The following BCAS1 variants were observed in gnomAD, a reference collection of about 807,000 sequenced individuals.
BCAS1 encodes the protein brain enriched myelin associated protein 1, also known as breast carcinoma-amplified sequence 1.
In BCAS1, 46 loss-of-function variants were observed where a neutral mutation model predicts 65.4. The observed-to-expected ratio is 0.70, with a 90% CI of 0.55 to 0.90. The LOEUF is 0.90. Ranked by LOEUF, BCAS1 falls within the 40% of genes least tolerant of loss-of-function variation. The pLI is 0.00. For missense variants in BCAS1, 793 were observed against 771.2 expected (o/e 1.03, Z -0.33); for synonymous variants, 298 against 293.5 (o/e 1.02, Z -0.16).
rs568352051 is a variant in BCAS1 at position 53,995,478 on chromosome 20, C to G, written c.882+414G>C. On this transcript the variant is annotated intron_variant, in intron 5 of 12. Coordinates refer to ENST00000688948, the MANE Select transcript of BCAS1 (RefSeq NM_001366298.2). ...GGGACAGTCTGCTTCACTATGCATT[C>G]ATTCATTCAGGTTTTTTTTTTTTTG... 2.1e-5 allele frequency among the ~76,000 whole-genome samples: 3 copies of G among 139,738 alleles called. No individual in the cohort carries two copies. In the South Asian group the frequency reaches 7.7e-4, roughly 36 times the overall value. 91.7% of individuals were successfully genotyped at this position (139,738 alleles called of 152,430 possible).
intron 6 of BCAS1, among the ~76,000 whole-genome samples, chr20:53,993,166 G>T (rs886580754): frequency 2.0e-5 from 3 of 152,126 alleles, no homozygotes; most frequent in Non-Finnish European, 4.4e-5. Flanking sequence ...TTCACTTCTA[G>T]ATGGGTAGAC....
intron 4 of BCAS1, among the ~76,000 whole-genome samples, chr20:54,021,733 G>A (rs1444885016): frequency 6.6e-6 from 1 of 152,002 alleles, no homozygotes; most frequent in African/African-American, 2.4e-5. Flanking sequence ...CCTGTCGGGG[G>A]TTGGGGGAGG....
At chr20:53,949,641 C>T (rs144224876) in intron 12 of BCAS1, among the ~76,000 whole-genome samples, 5,621 of 152,284 alleles carry the variant, frequency 0.037, 147 homozygotes, top group Middle Eastern at 0.085. Context: ...AGCCCCCCTC[C>T]GTCCTCCATC....
chr20:54,063,154 A>C (rs538019488), intron 1 of BCAS1, among the ~76,000 whole-genome samples: 1 of 152,216 alleles, frequency 6.6e-6, no homozygotes, highest in African/African-American at 2.4e-5. Context: ...GCCGTATGCC[A>C]GCCCAGTGCT....
chr20:53,998,608 G>A (rs1408759770), intron 4 of BCAS1, among the ~76,000 whole-genome samples: 1 of 152,210 alleles, frequency 6.6e-6, no homozygotes, highest in African/African-American at 2.4e-5. Context: ...CCACCCCTGT[G>A]ATCTTTCACC....
intron 4 of BCAS1, among the ~76,000 whole-genome samples, chr20:54,007,962 A>T (rs2091237683): frequency 6.6e-6 from 1 of 152,216 alleles, no homozygotes; most frequent in Non-Finnish European, 1.5e-5. Flanking sequence ...CAAGTACCCC[A>T]GACTTGGAGT....
chr20:54,056,238 TACAC>T (rs147707061), intron 3 of BCAS1, among the ~76,000 whole-genome samples: 1 of 149,460 alleles, frequency 6.7e-6, no homozygotes, highest in Non-Finnish European at 1.5e-5. Context: ...TATATACACA[TACAC>T]ACACACACAC....
In BCAS1 at chr20:53,957,420, G is replaced by A. The variant is rs1250156662; in HGVS notation, c.1551+12C>T. The A allele has an allele frequency of 5.6e-6, 9 of 1,611,068 alleles. No homozygotes were observed. Among genetic ancestry groups the A allele is most frequent in the South Asian group, 1.1e-5 (1 of 91,036 alleles). On this transcript the variant is annotated intron_variant, in intron 11 of 12. Coordinates refer to ENST00000688948, the MANE Select transcript of BCAS1 (RefSeq NM_001366298.2). Reference sequence around the variant, plus strand: ...CTAATCCCACCACCAAACTGAGTTCGAGGTCACTTACTTGGCAGCTGGAGT... The same window carrying A: ...CTAATCCCACCACCAAACTGAGTTCAAGGTCACTTACTTGGCAGCTGGAGT...
At chr20:53,998,123 A>G (rs528134638) in intron 4 of BCAS1, among the ~76,000 whole-genome samples, 1 of 152,230 alleles carries the variant, frequency 6.6e-6, no homozygotes, top group South Asian at 2.1e-4. Flanking sequence ...TCAGTAGTGG[A>G]GAGTGGGATA....
At chr20:54,052,362 C>T (rs970700507) in intron 3 of BCAS1, among the ~76,000 whole-genome samples, 2 of 152,122 alleles carry the variant, frequency 1.3e-5, no homozygotes, top group African/African-American at 2.4e-5. Flanking sequence ...TAGTATGTTG[C>T]CTTTTGTGTC....
At chr20:53,974,921 C>G (rs1037268364) in intron 9 of BCAS1, among the ~76,000 whole-genome samples, 9 of 152,208 alleles carry the variant, frequency 5.9e-5, no homozygotes, top group African/African-American at 2.2e-4. Context: ...GCGCTCTAAC[C>G]TGAGACCGAC....
At chr20:53,959,536 G>A (rs1039515912) in intron 10 of BCAS1, among the ~76,000 whole-genome samples, 8 of 152,190 alleles carry the variant, frequency 5.3e-5, no homozygotes, top group Admixed American at 5.2e-4. Flanking sequence ...TTACAGGCGT[G>A]AGCCACTGTG....
intron 9 of BCAS1, among the ~76,000 whole-genome samples, chr20:53,968,167 G>A (rs1477856812): frequency 2.0e-5 from 3 of 152,172 alleles, no homozygotes; most frequent in Non-Finnish European, 2.9e-5. Flanking sequence ...TGGATTTTAC[G>A]CATTTAAAGC....
chr20:54,011,778 G>C (rs530181912), intron 4 of BCAS1, among the ~76,000 whole-genome samples: 109 of 152,296 alleles, frequency 7.2e-4, no homozygotes, highest in African/African-American at 2.2e-3. Flanking sequence ...GCTGAGACGG[G>C]AAGATCACTT....
In BCAS1 at chr20:53,966,939, T is replaced by TG. The variant is rs2090046392; in HGVS notation, c.1451dup (p.Arg485LysfsTer48). ...TGAGAAACGCCATCAGAGAGGTTCT[T>TG]GGTTTGCTTTCTTCTCTTTTGAGTT... On this transcript the variant is annotated frameshift_variant, in exon 10 of 13. Transcript: ENST00000688948. LOFTEE classifies it high-confidence loss of function. The TG allele has an allele frequency of 6.2e-7, 1 of 1,612,634 alleles. No homozygotes were observed. Among genetic ancestry groups the TG allele is most frequent in the African/African-American group, 1.3e-5 (1 of 74,786 alleles).
At chr20:54,047,921 A>G (rs1438054538) in intron 3 of BCAS1, among the ~76,000 whole-genome samples, 1 of 152,188 alleles carries the variant, frequency 6.6e-6, no homozygotes, top group Non-Finnish European at 1.5e-5. Flanking sequence ...GGAAGTTACA[A>G]AGTTATTTAC....
At chr20:53,962,551 C>T (rs1480805814) in intron 10 of BCAS1, among the ~76,000 whole-genome samples, 4 of 152,156 alleles carry the variant, frequency 2.6e-5, no homozygotes, top group Non-Finnish European at 5.9e-5. Context: ...GTTTCATTTG[C>T]CTACCTGCTT....
At chr20:54,056,826 C>A (rs1306515907) in intron 3 of BCAS1, among the ~76,000 whole-genome samples, 3 of 152,134 alleles carry the variant, frequency 2.0e-5, no homozygotes, top group Non-Finnish European at 4.4e-5. Context: ...AAGAAAACAA[C>A]CATAACCATA....
At chr20:54,023,470 G>A (rs1947650586) in intron 4 of BCAS1, among the ~76,000 whole-genome samples, 1 of 152,196 alleles carries the variant, frequency 6.6e-6, no homozygotes, top group Non-Finnish European at 1.5e-5. Flanking sequence ...CACAGAATTT[G>A]ACTTAAAATG....
Sources: allele counts gnomAD v4.1 joint callset (sites outside exome capture counted in the v4.1 genomes callset), GRCh38; gene constraint gnomAD v4.1.1; transcripts MANE v1.5; gene names NCBI Gene and HGNC (gene_info 2026-07-23, HGNC 2026-07-21).